RERE: variants seen among roughly 807,000 people sequenced by gnomAD.
RERE encodes the protein arginine-glutamic acid dipeptide repeats protein.
A neutral mutation model predicts 146.1 loss-of-function variants in RERE; 40 were observed. That is an observed-to-expected ratio of 0.27 (90% CI 0.21 to 0.36). RERE has a LOEUF of 0.36. Among genes scored for constraint, RERE ranks in the 10% least tolerant of loss-of-function variants. The pLI is 1.00. For missense variants in RERE, 1,933 were observed against 2,138.7 expected, an observed-to-expected ratio of 0.90 and a Z score of 1.90; for synonymous variants, 1,003 against 866.0, an observed-to-expected ratio of 1.16 and a Z score of -2.78.
intron 1 of RERE, among the ~76,000 whole-genome samples, chr1:8,730,887 G>A (rs1640066493): frequency 6.6e-6 from 1 of 152,190 alleles, no homozygotes. Context: ...TTAAAGCAAG[G>A]GGTGTTGGGT....
intron 12 of RERE, among the ~76,000 whole-genome samples, chr1:8,398,762 T>C (rs952248974): frequency 6.6e-6 from 1 of 152,154 alleles, no homozygotes; most frequent in Non-Finnish European, 1.5e-5. Flanking sequence ...ACTACACCCA[T>C]GGAATCTGGC....
chr1:8,417,709 C>T lies in RERE; in HGVS notation c.1284+5018G>A, dbSNP rs185913927. Among the ~76,000 whole-genome samples, 133 of 152,216 alleles carry T rather than the reference C, an allele frequency of 8.7e-4. No individual in the cohort carries two copies. The Middle Eastern group carries it at 0.02, about 23-fold the overall frequency. On this transcript the variant is annotated intron_variant, in intron 12 of 22. Transcript: ENST00000400908. ...TCTTCTTAAAAGCCTTAAATGGGTCCCATCCCCACACTCACCCATACACAT... is the reference window on the plus strand; with the variant it reads ...TCTTCTTAAAAGCCTTAAATGGGTCTCATCCCCACACTCACCCATACACAT...
chr1:8,407,594 C>T (rs1280266662), intron 12 of RERE, among the ~76,000 whole-genome samples: 7 of 151,988 alleles, frequency 4.6e-5, no homozygotes, highest in African/African-American at 1.5e-4. Flanking sequence ...CACCCCATGA[C>T]CTGGACAAGA....
intron 11 of RERE, among the ~76,000 whole-genome samples, chr1:8,438,570 T>C (rs1644202548): frequency 6.6e-6 from 1 of 152,224 alleles, no homozygotes; most frequent in South Asian, 2.1e-4. Context: ...CAGCATTTTG[T>C]GCTCACTACA....
chr1:8,357,885 T>C (rs1307045890), intron 20 of RERE, among the ~76,000 whole-genome samples: 3 of 152,260 alleles, frequency 2.0e-5, no homozygotes, highest in African/African-American at 7.2e-5. Flanking sequence ...GACACTGCTC[T>C]GCTGCCCTTA....
At chr1:8,624,164 C>T in intron 3 of RERE, 146 bp downstream of exon 3, 3 of 641,086 alleles carry the variant, frequency 4.7e-6, no homozygotes, top group Non-Finnish European at 2.8e-6. Flanking sequence ...ACCCTCATTT[C>T]AGTGCTACTG....
Position 8,361,161 on chromosome 1 carries a change from G to A in RERE, c.2346C>T (p.Ser782=), listed in dbSNP as rs1329816708. The A allele has an allele frequency of 6.9e-7, 1 of 1,451,118 alleles. No individual in the cohort carries two copies. Among genetic ancestry groups the A allele is most frequent in the African/African-American group, 1.4e-5 (1 of 70,090 alleles). The allele number at this position is 1,451,118 out of a possible 1,614,324, so 89.9% of individuals were successfully genotyped here. ...GAGCCTGTGGCTGGTTAGGGGCCTG[G>A]GAGGCCGTGGGGGAGCCCTGTGGGG... ...AVPPQGSPTA[S]QAPNQPQAPT... Residue 782 remains serine, a synonymous_variant, in exon 18 of 23, where the codon TCC becomes TCT. Transcript: ENST00000400908.
chr1:8,541,417 T>A, intron 6 of RERE, 99 bp from the exon 7 acceptor site: 2 of 671,638 alleles, frequency 3.0e-6, no homozygotes, highest in Non-Finnish European at 5.2e-6. Context: ...ACTAAGTCCA[T>A]GTGCATGGAG....
chr1:8,359,615 T>G lies in RERE; in HGVS notation c.3618+149A>C. On this transcript the variant is annotated intron_variant, in intron 19 of 22. Coordinates refer to ENST00000400908, the MANE Select transcript of RERE (RefSeq NM_001042681.2). The stretch of plus-strand genomic sequence containing the variant: ...TCGGATGTGCAGCACCCGTCAGAGG[T>G]GTGGAGACAGGGTGTAAATAGCACC... The G allele has an allele frequency of 4.6e-6, 4 of 869,016 alleles. No homozygotes were observed. The South Asian group carries it at 6.2e-5, about 13-fold the overall frequency. 53.8% of individuals were successfully genotyped at this position (869,016 alleles called of 1,614,324 possible). A position where few individuals can be genotyped will look rare whatever the true frequency, so the allele number is the denominator to read the frequency against.
intron 7 of RERE, among the ~76,000 whole-genome samples, chr1:8,537,388 T>A (rs1645739113): frequency 6.6e-6 from 1 of 152,112 alleles, no homozygotes; most frequent in South Asian, 2.1e-4. Flanking sequence ...ATAATCCATA[T>A]TCCATCATAT....
intron 1 of RERE, among the ~76,000 whole-genome samples, chr1:8,754,301 G>A (rs1175608207): frequency 6.6e-6 from 1 of 151,028 alleles, no homozygotes; most frequent in East Asian, 1.9e-4. Flanking sequence ...GTGTTCAATC[G>A]TTTCAGCTTC....
intron 4 of RERE, among the ~76,000 whole-genome samples, chr1:8,569,328 T>C (rs1269009103): frequency 6.6e-6 from 1 of 152,028 alleles, no homozygotes; most frequent in East Asian, 1.9e-4. Context: ...GGTTGTTGTT[T>C]GGTGACGGCG....
intron 4 of RERE, among the ~76,000 whole-genome samples, chr1:8,601,746 C>CACACACACACACACACACACAA (rs1646632454): frequency 1.5e-5 from 1 of 67,138 alleles, no homozygotes; most frequent in African/African-American, 8.0e-5. Flanking sequence ...AACACACACA[C>CACACACACACACACACACACAA]ACACACACAC....
chr1:8,477,137 C>T (rs1644766519), intron 10 of RERE, among the ~76,000 whole-genome samples: 1 of 152,154 alleles, frequency 6.6e-6, no homozygotes, highest in African/African-American at 2.4e-5. Flanking sequence ...GATAATTAAT[C>T]ATTTACATAG....
At chr1:8,766,427 C>G (rs1401431401) in intron 1 of RERE, among the ~76,000 whole-genome samples, 1 of 151,684 alleles carries the variant, frequency 6.6e-6, no homozygotes, top group Non-Finnish European at 1.5e-5. Flanking sequence ...ATAATCCCAG[C>G]TACTCAGGAG....
At chr1:8,363,973 C>T (rs1306218525) in intron 15 of RERE, 83 bp downstream of exon 15, 3 of 1,301,008 alleles carry the variant, frequency 2.3e-6, no homozygotes, top group East Asian at 4.7e-5. Context: ...ACTTTCGCTT[C>T]CTCCCCCTGG....
intron 1 of RERE, among the ~76,000 whole-genome samples, chr1:8,796,384 T>C (rs1026433209): frequency 2.0e-5 from 3 of 151,732 alleles, no homozygotes; most frequent in South Asian, 4.2e-4. Context: ...TCATCTTCAA[T>C]CTCCCTATGA....
chr1:8,779,642 G>A (rs920273551), intron 1 of RERE, among the ~76,000 whole-genome samples: 4 of 151,580 alleles, frequency 2.6e-5, no homozygotes, highest in East Asian at 1.9e-4. Flanking sequence ...CAGTCCGGGC[G>A]ACAAAGCAAG....
intron 19 of RERE, 95 bp from the exon 20 acceptor site, chr1:8,359,011 C>T: frequency 7.0e-7 from 1 of 1,431,518 alleles, no homozygotes. Context: ...TGCTCCTGGC[C>T]TGCTCTGACA....
Sources: gnomAD v4.1 joint callset for allele counts (sites outside exome capture counted in the v4.1 genomes callset) on GRCh38, gnomAD v4.1.1 for gene constraint, MANE v1.5 for transcripts, NCBI Gene and HGNC (gene_info 2026-07-23, HGNC 2026-07-21) for gene names.